Variants in PKHD1 observed in about 807,000 individuals in gnomAD.
PKHD1 encodes the protein fibrocystin.
In PKHD1, 291 loss-of-function variants were observed where a neutral mutation model predicts 412.0. The observed-to-expected ratio is 0.71, with a 90% CI of 0.64 to 0.78. The LOEUF (loss-of-function observed/expected upper bound fraction) is 0.78, where lower values mean the gene tolerates loss of function less well. PKHD1 is among the 30% of genes least tolerant of loss of function. The probability of loss-of-function intolerance (pLI) is 0.00; values close to 1 mark genes in which losing one functional copy is unlikely to be tolerated. For synonymous variants in PKHD1, 1,777 were observed against 1,821.5 expected (o/e 0.98, Z 0.62); for missense variants, 4,825 against 4,950.7 (o/e 0.97, Z 0.76).
chr6:51,770,222 T>G lies in PKHD1; in HGVS notation c.8642+2480A>C, dbSNP rs112936143. The stretch of plus-strand genomic sequence containing the variant: ...ATTTCACCTTACATTTCCTAGAGAT[T>G]TGCTTTATATTTCTATATTGTATTA... On this transcript the variant is annotated intron_variant, in intron 55 of 66. Transcript: ENST00000371117. Among the ~76,000 whole-genome samples, 902 of 151,912 alleles carry G rather than the reference T, an allele frequency of 5.9e-3. 9 individuals are homozygous for G. The highest frequency in any genetic ancestry group is 0.018 in the African/African-American group (743 of 41,538).
At chr6:51,721,329 G>A (rs1781899431) in intron 60 of PKHD1, 2 of 666,194 alleles carry the variant, frequency 3.0e-6, no homozygotes, top group Non-Finnish European at 1.8e-6. Context: ...ACTATTATTG[G>A]TATATTAGTA....
intron 60 of PKHD1, among the ~76,000 whole-genome samples, chr6:51,737,628 T>G (rs746725738): frequency 1.3e-5 from 2 of 152,220 alleles, no homozygotes; most frequent in African/African-American, 4.8e-5. Flanking sequence ...TATTGTCTTC[T>G]TAATATCTTG....
chr6:51,839,048 T>C (rs1018774170), intron 50 of PKHD1, among the ~76,000 whole-genome samples: 1 of 152,214 alleles, frequency 6.6e-6, no homozygotes, highest in Non-Finnish European at 1.5e-5. Flanking sequence ...TCTACTCTTT[T>C]TACAGCTGTA....
chr6:51,798,621 A>C (rs894902538), intron 52 of PKHD1, among the ~76,000 whole-genome samples: 1 of 152,092 alleles, frequency 6.6e-6, no homozygotes, highest in Non-Finnish European at 1.5e-5. Context: ...CTTCTCATGG[A>C]GTACCTTACT....
intron 10 of PKHD1, 106 bp downstream of exon 10, chr6:52,070,300 G>A: frequency 2.5e-6 from 2 of 802,918 alleles, no homozygotes; most frequent in Non-Finnish European, 4.4e-6. Flanking sequence ...GTTTTTATAT[G>A]TTTAACATTT....
intron 55 of PKHD1, among the ~76,000 whole-genome samples, chr6:51,761,848 A>C (rs2151066123): frequency 6.6e-6 from 1 of 152,136 alleles, no homozygotes; most frequent in African/African-American, 2.4e-5. Flanking sequence ...AAAAAATAAG[A>C]ATTTGGGGGA....
At chr6:51,754,211 TCTAA>T (rs576582837) in intron 56 of PKHD1, among the ~76,000 whole-genome samples, 24 of 152,178 alleles carry the variant, frequency 1.6e-4, no homozygotes, top group Non-Finnish European at 3.2e-4. Context: ...TGTAGTACAT[TCTAA>T]CTGTGTATTG....
Position 51,962,729 on chromosome 6 carries a change from C to A in PKHD1, c.5752-2703G>T, listed in dbSNP as rs145902071. 9.3e-3 allele frequency among the ~76,000 whole-genome samples: 1,420 copies of A among 152,194 alleles called. 27 individuals are homozygous for A. Among genetic ancestry groups the A allele is most frequent in the African/African-American group, 0.032 (1,337 of 41,534 alleles). ...CCCGGGATGCTCTTTCCCAAAAGAT[C>A]TGCATGGCTCACTCCCTTACTTAAT... On this transcript the variant is annotated intron_variant, in intron 35 of 66. Transcript: ENST00000371117.
At chr6:52,055,305 G>C (rs1049262541) in intron 19 of PKHD1, among the ~76,000 whole-genome samples, 1 of 152,228 alleles carries the variant, frequency 6.6e-6, no homozygotes, top group Non-Finnish European at 1.5e-5. Context: ...CAATGACACA[G>C]TCTGTACTCT....
At chr6:52,084,113 G>A (rs1381741475) in intron 2 of PKHD1, among the ~76,000 whole-genome samples, 1 of 152,238 alleles carries the variant, frequency 6.6e-6, no homozygotes, top group Non-Finnish European at 1.5e-5. Flanking sequence ...GAAAGGCCAA[G>A]TTAAGGAAGC....
chr6:51,978,231 G>T (rs1208717230), intron 35 of PKHD1, among the ~76,000 whole-genome samples: 2 of 152,160 alleles, frequency 1.3e-5, no homozygotes, highest in African/African-American at 4.8e-5. Flanking sequence ...AGCCATCTAG[G>T]GGTGAAGGAG....
At chr6:51,896,512 G>A (rs1273422257) in intron 43 of PKHD1, among the ~76,000 whole-genome samples, 1 of 151,890 alleles carries the variant, frequency 6.6e-6, no homozygotes, top group Non-Finnish European at 1.5e-5. Flanking sequence ...AAACCCATCT[G>A]TACATCACCA....
chr6:52,077,895 CCCTAGG>C (rs1275873857), intron 5 of PKHD1, among the ~76,000 whole-genome samples: 2 of 151,688 alleles, frequency 1.3e-5, no homozygotes, highest in Non-Finnish European at 2.9e-5. Flanking sequence ...CAACCACTGC[CCCTAGG>C]CCTTCATATC....
intron 11 of PKHD1, among the ~76,000 whole-genome samples, chr6:52,067,053 C>A (rs1334911774): frequency 6.6e-6 from 1 of 152,160 alleles, no homozygotes; most frequent in Non-Finnish European, 1.5e-5. Flanking sequence ...AGAGGAGTTG[C>A]ATTTTGTGTA....
At chr6:52,027,701 C>T (rs1336446180) in intron 31 of PKHD1, 128 bp downstream of exon 31, 3 of 732,544 alleles carry the variant, frequency 4.1e-6, no homozygotes, top group Non-Finnish European at 7.4e-6. Flanking sequence ...TCCTGGAGCC[C>T]GAGGAAAGTT....
rs536740637 is a variant in PKHD1, at chr6:52,075,307, T to C, written c.448+969A>G. Among the ~76,000 whole-genome samples, 7 of 152,370 alleles carry C rather than the reference T, an allele frequency of 4.6e-5. No homozygotes were observed. The South Asian group carries it at 1.5e-3, about 32-fold the overall frequency. On this transcript the variant is annotated intron_variant, in intron 6 of 66. Coordinates refer to ENST00000371117, the MANE Select transcript of PKHD1 (RefSeq NM_138694.4). ...CGCTTTTCAATAACTTAGATCTTCA[T>C]TTTGACATGCTTGAGCAGTTGAGCC...
At chr6:51,791,857 T>C (rs1409534) in intron 52 of PKHD1, among the ~76,000 whole-genome samples, 89,301 of 152,030 alleles carry the variant, frequency 0.59, 26,977 homozygotes, top group East Asian at 0.83. Context: ...GGAATGGGAA[T>C]AATACTAAAA....
intron 35 of PKHD1, among the ~76,000 whole-genome samples, chr6:51,984,722 T>C (rs1049699589): frequency 3.9e-5 from 6 of 152,174 alleles, no homozygotes; most frequent in African/African-American, 1.4e-4. Context: ...CAAGTAAAAG[T>C]AAAAGCAGAA....
chr6:52,034,463 G>T (rs1188749615), intron 28 of PKHD1, among the ~76,000 whole-genome samples: 1 of 151,886 alleles, frequency 6.6e-6, no homozygotes, highest in East Asian at 1.9e-4. Context: ...TCTGGTAAAA[G>T]AAATTAAGAG....
Sources: gnomAD v4.1 joint callset for allele counts (sites outside exome capture counted in the v4.1 genomes callset) on GRCh38, gnomAD v4.1.1 for gene constraint, MANE v1.5 for transcripts, NCBI Gene and HGNC (gene_info 2026-07-23, HGNC 2026-07-21) for gene names.